The following DAB1 variants were observed in gnomAD, a reference collection of about 807,000 sequenced individuals.
The protein encoded by DAB1 is disabled homolog 1.
A neutral mutation model predicts 64.6 loss-of-function variants in DAB1; 15 were observed. The observed-to-expected ratio is 0.23, with a 90% CI of 0.16 to 0.36. The LOEUF (loss-of-function observed/expected upper bound fraction) is 0.36, where lower values mean the gene tolerates loss of function less well. Among genes scored for constraint, DAB1 ranks in the 10% least tolerant of loss-of-function variants. The pLI is 1.00. For synonymous variants in DAB1, 235 were observed against 251.9 expected, an observed-to-expected ratio of 0.93 and a Z score of 0.64; for missense variants, 596 against 706.7, an observed-to-expected ratio of 0.84 and a Z score of 1.78.
intron 7 of DAB1, among the ~76,000 whole-genome samples, chr1:57,070,106 C>T (rs1312826523): frequency 1.3e-5 from 2 of 152,102 alleles, no homozygotes; most frequent in African/African-American, 4.8e-5. Context: ...TTTTGTTTGC[C>T]GTATACATGA....
rs540870383 is a variant in DAB1, at chr1:58,105,660, C to T, written n.387+44851G>A. Among the ~76,000 whole-genome samples, 8 of 152,322 alleles carry T rather than the reference C, an allele frequency of 5.3e-5. No individual in the cohort carries two copies. The South Asian group carries it at 1.7e-3, about 32-fold the overall frequency. ...CACTGGGAAACTATAAAATGTTGCA[C>T]AAATTCACTTCAAATTCCTAAGTGT... On this transcript the variant is annotated intron_variant and non_coding_transcript_variant, in intron 5 of 20. Coordinates refer to the DAB1 transcript ENST00000485760.
At position 57,003,795 on chromosome 1, in the gene DAB1, A is replaced by G. The variant is rs76958696; in HGVS notation, c.*16-5667T>C. Among the ~76,000 whole-genome samples, 212 of 152,302 alleles carry G rather than the reference A, an allele frequency of 1.4e-3. 4 individuals are homozygous for G. The East Asian group carries it at 0.038, about 28-fold the overall frequency. Reference sequence around the variant, plus strand: ...AATTTCAGTGAGGTATAATTTACATACAATGAAATGTACCCATTTTAAATG... The same window carrying G: ...AATTTCAGTGAGGTATAATTTACATGCAATGAAATGTACCCATTTTAAATG... On this transcript the variant is annotated intron_variant, in intron 14 of 14. Transcript: ENST00000371236.
intron 3 of DAB1, among the ~76,000 whole-genome samples, chr1:58,444,946 G>A (rs927293050): frequency 6.6e-6 from 1 of 152,176 alleles, no homozygotes; most frequent in African/African-American, 2.4e-5. Flanking sequence ...AATAATAATT[G>A]TTGCTGGTTG....
At chr1:57,042,230 C>G (rs1647877926) in intron 9 of DAB1, among the ~76,000 whole-genome samples, 1 of 152,144 alleles carries the variant, frequency 6.6e-6, no homozygotes, top group Non-Finnish European at 1.5e-5. Flanking sequence ...CAGAGGATAT[C>G]TGAAAGAGCG....
chr1:57,746,938 T>C (rs1005288475), intron 6 of DAB1, among the ~76,000 whole-genome samples: 2 of 152,300 alleles, frequency 1.3e-5, no homozygotes, highest in Admixed American at 6.5e-5. Context: ...CTGTGTTATA[T>C]ATGATGAAAA....
chr1:58,173,338 G>A (rs1570445998), intron 4 of DAB1, among the ~76,000 whole-genome samples: 1 of 152,090 alleles, frequency 6.6e-6, no homozygotes, highest in East Asian at 1.9e-4. Context: ...TACCCAAACA[G>A]CTCCATTCAG....
At chr1:57,563,357 C>G (rs1645075528) in intron 7 of DAB1, among the ~76,000 whole-genome samples, 1 of 152,222 alleles carries the variant, frequency 6.6e-6, no homozygotes, top group East Asian at 1.9e-4. Context: ...CAGCTCCCAG[C>G]ATGAGCGACG....
At chr1:57,481,301 C>T (rs917025393) in intron 7 of DAB1, among the ~76,000 whole-genome samples, 3 of 152,130 alleles carry the variant, frequency 2.0e-5, no homozygotes, top group Admixed American at 6.5e-5. Flanking sequence ...TCCCCATTTC[C>T]GTTTTCTACT....
At chr1:57,470,770 C>G (rs1687108655) in intron 7 of DAB1, among the ~76,000 whole-genome samples, 2 of 152,158 alleles carry the variant, frequency 1.3e-5, no homozygotes, top group Non-Finnish European at 2.9e-5. Flanking sequence ...CACAAAAGAG[C>G]TATGTCTATA....
chr1:57,288,339 G>A (rs1157432344), intron 2 of DAB1, among the ~76,000 whole-genome samples: 7 of 152,116 alleles, frequency 4.6e-5, no homozygotes, highest in Non-Finnish European at 8.8e-5. Flanking sequence ...GGAAAAGAAG[G>A]AGATGTGGTG....
At chr1:57,848,460 A>G (rs779915166) in intron 1 of DAB1, among the ~76,000 whole-genome samples, 1 of 152,270 alleles carries the variant, frequency 6.6e-6, no homozygotes, top group Non-Finnish European at 1.5e-5. Flanking sequence ...AGGTAAATAT[A>G]GTAATGTAAT....
intron 4 of DAB1, among the ~76,000 whole-genome samples, chr1:58,234,951 G>C (rs1007296390): frequency 3.3e-5 from 5 of 152,220 alleles, no homozygotes; most frequent in Admixed American, 3.3e-4. Context: ...TGAAGGAAAA[G>C]TACAGGATAG....
chr1:57,310,706 A>T (rs891553643), intron 1 of DAB1, among the ~76,000 whole-genome samples: 1 of 152,210 alleles, frequency 6.6e-6, no homozygotes, highest in Non-Finnish European at 1.5e-5. Context: ...CCCTGCTCCC[A>T]TCACTGTAGT....
intron 7 of DAB1, among the ~76,000 whole-genome samples, chr1:57,550,578 A>C (rs976828669): frequency 2.0e-5 from 3 of 151,528 alleles, no homozygotes; most frequent in African/African-American, 7.3e-5. Flanking sequence ...ATTGCCTGCA[A>C]TCGATCTATC....
At chr1:57,698,031 T>G (rs908208730) in intron 6 of DAB1, among the ~76,000 whole-genome samples, 1 of 152,076 alleles carries the variant, frequency 6.6e-6, no homozygotes, top group Non-Finnish European at 1.5e-5. Context: ...TTTGACTGCA[T>G]AGACAGGTCT....
chr1:56,998,857 T>C lies in DAB1; in HGVS notation c.*16-729A>G, dbSNP rs139032026. Among the ~76,000 whole-genome samples the C allele has an allele frequency of 2.9e-3, 435 of 152,256 alleles. 4 individuals carry two copies. The highest frequency in any genetic ancestry group is 9.5e-3 in the African/African-American group (394 of 41,548). On this transcript the variant is annotated intron_variant, in intron 14 of 14. Coordinates refer to ENST00000371236, the MANE Select transcript of DAB1 (RefSeq NM_001365792.1). The stretch of plus-strand genomic sequence containing the variant: ...AGCATGTAATGCAGCAAACCTGCAA[T>C]CCACACCTAGATAGGAAACAGCGTT...
chr1:57,099,178 C>T (rs1654444428), intron 4 of DAB1, among the ~76,000 whole-genome samples: 1 of 152,168 alleles, frequency 6.6e-6, no homozygotes, highest in African/African-American at 2.4e-5. Flanking sequence ...TGAGGGTACA[C>T]AGACAAGGAA....
At chr1:58,435,906 C>T (rs1644939418) in intron 3 of DAB1, among the ~76,000 whole-genome samples, 1 of 152,210 alleles carries the variant, frequency 6.6e-6, no homozygotes, top group Admixed American at 6.5e-5. Flanking sequence ...AGAGAAACCA[C>T]AGTCTGTAGT....
intron 5 of DAB1, among the ~76,000 whole-genome samples, chr1:57,920,113 G>T (rs1569994440): frequency 6.6e-6 from 1 of 152,170 alleles, no homozygotes; most frequent in East Asian, 1.9e-4. Flanking sequence ...GGCTATTAAG[G>T]CAGAGAGGTG....
Sources: allele counts gnomAD v4.1 joint callset (sites outside exome capture counted in the v4.1 genomes callset), GRCh38; gene constraint gnomAD v4.1.1; transcripts MANE v1.5; gene names NCBI Gene and HGNC (gene_info 2026-07-23, HGNC 2026-07-21).